Variants in RBM47 observed in about 807,000 individuals in gnomAD.
RBM47 encodes the protein RNA binding motif protein 47.
In RBM47, 21 loss-of-function variants were observed where a neutral mutation model predicts 47.1. The ratio of observed to expected loss-of-function variants is 0.45; its 90% CI spans 0.32 to 0.64. RBM47 has a LOEUF of 0.64. Among genes scored for constraint, RBM47 ranks in the 30% least tolerant of loss-of-function variants. RBM47 has a pLI of 0.05. For missense variants in RBM47, 708 were observed against 870.9 expected (o/e 0.81, Z 2.35); for synonymous variants, 375 against 361.7 (o/e 1.04, Z -0.42).
At chr4:40,564,545 T>G (rs1352618105) in intron 1 of RBM47, among the ~76,000 whole-genome samples, 4 of 152,156 alleles carry the variant, frequency 2.6e-5, no homozygotes, top group Non-Finnish European at 5.9e-5. Context: ...CTCCAAAGAT[T>G]AGGAGAAGTA....
At chr4:40,572,161 T>A (rs1184643615) in intron 1 of RBM47, among the ~76,000 whole-genome samples, 1 of 148,780 alleles carries the variant, frequency 6.7e-6, no homozygotes, top group Non-Finnish European at 1.5e-5. Context: ...GGCGGGTGGA[T>A]AACCTGAGGT....
chr4:40,496,371 G>T (rs1196157790), intron 2 of RBM47, among the ~76,000 whole-genome samples: 1 of 150,358 alleles, frequency 6.7e-6, no homozygotes. Context: ...CACAAAGAGA[G>T]AAAAACCTAG....
intron 2 of RBM47, among the ~76,000 whole-genome samples, chr4:40,490,705 C>A (rs1032227839): frequency 6.6e-6 from 1 of 151,134 alleles, no homozygotes; most frequent in Non-Finnish European, 1.5e-5. Context: ...GAGGAGAGAT[C>A]GCGCCACTGC....
chr4:40,568,855 C>A (rs187857495), intron 1 of RBM47, among the ~76,000 whole-genome samples: 3 of 151,966 alleles, frequency 2.0e-5, no homozygotes, highest in African/African-American at 7.2e-5. Context: ...CTGATGGGTG[C>A]CTGTAGTCCC....
chr4:40,586,894 T>G (rs1274058760), intron 1 of RBM47, among the ~76,000 whole-genome samples: 1 of 152,048 alleles, frequency 6.6e-6, no homozygotes. Context: ...ACAACAGCTG[T>G]GTGCAGGCAG....
chr4:40,480,218 T>C (rs898670311), intron 2 of RBM47, among the ~76,000 whole-genome samples: 7 of 152,058 alleles, frequency 4.6e-5, no homozygotes, highest in African/African-American at 9.7e-5. Context: ...CCTCAGGTGA[T>C]CCATCTGCCT....
intron 2 of RBM47, among the ~76,000 whole-genome samples, chr4:40,525,393 G>A (rs1377338467): frequency 6.6e-6 from 1 of 152,198 alleles, no homozygotes; most frequent in East Asian, 1.9e-4. Flanking sequence ...AGGAGGCAGG[G>A]TTGCAGATCA....
chr4:40,550,114 C>T (rs28506146), intron 1 of RBM47, among the ~76,000 whole-genome samples: 10,300 of 152,236 alleles, frequency 0.068, 1,001 homozygotes, highest in African/African-American at 0.21. Context: ...CCCAACAGAG[C>T]TGTCTTGGAA....
At chr4:40,431,454 T>G (rs148672773) in intron 6 of RBM47, among the ~76,000 whole-genome samples, 9,888 of 152,062 alleles carry the variant, frequency 0.065, 701 homozygotes, top group African/African-American at 0.17. Context: ...GTCAGGAGAT[T>G]GAGACTATCC....
intron 1 of RBM47, among the ~76,000 whole-genome samples, chr4:40,604,643 TA>T (rs879327659): frequency 4.0e-5 from 6 of 150,886 alleles, no homozygotes; most frequent in Non-Finnish European, 8.9e-5. Context: ...AAATAAAAAA[TA>T]AAAAAAAATA....
rs1369879866 is a variant in RBM47, at chr4:40,593,120, G to A, written c.-240+36276C>T. 1.2e-4 allele frequency among the ~76,000 whole-genome samples: 17 copies of A among 143,122 alleles called. No homozygotes were observed. The Middle Eastern group carries it at 0.022, about 186-fold the overall frequency. The allele number at this position is 143,122 out of a possible 152,430, so 93.9% of individuals were successfully genotyped here. A position where few individuals can be genotyped will look rare whatever the true frequency, so the allele number is the denominator to read the frequency against. On this transcript the variant is annotated intron_variant, in intron 1 of 6. Transcript: ENST00000295971. ...CGCCATTCTCCTGCCTCAGCCTCCC[G>A]AGTAGCTGGGACTACAGGCGCCCGC...
At chr4:40,463,421 TG>T (rs1181944185) in intron 3 of RBM47, among the ~76,000 whole-genome samples, 1 of 152,068 alleles carries the variant, frequency 6.6e-6, no homozygotes, top group Non-Finnish European at 1.5e-5. Flanking sequence ...GCACTGCTGG[TG>T]GGAATGTATA....
intron 2 of RBM47, chr4:40,514,526 C>G (rs530779298): frequency 1.3e-5 from 2 of 152,302 alleles, no homozygotes; most frequent in East Asian, 1.9e-4. Context: ...CTGCTAAGCA[C>G]CTGGCGCTCT....
In RBM47 at chr4:40,606,828, ACCT is replaced by A. The variant is rs150247039; in HGVS notation, c.-240+22565_-240+22567del. On this transcript the variant is annotated intron_variant, in intron 1 of 6. Coordinates refer to ENST00000295971, the MANE Select transcript of RBM47 (RefSeq NM_001098634.2). ...TTACAAGCCTGAGCAACACAGTGAC[ACCT>A]CCTCTCTACTAAAAACAAAAACAAA... is the stretch of plus-strand genomic sequence containing the variant. Among the ~76,000 whole-genome samples the A allele has an allele frequency of 2.1e-3, 321 of 152,160 alleles. 3 individuals carry two copies. Among genetic ancestry groups the A allele is most frequent in the African/African-American group, 7.2e-3 (300 of 41,534 alleles).
chr4:40,536,162 C>A (rs560219923), intron 2 of RBM47, among the ~76,000 whole-genome samples: 2 of 152,350 alleles, frequency 1.3e-5, no homozygotes, highest in South Asian at 4.1e-4. Flanking sequence ...TACTTCTTGG[C>A]AGGCAACACC....
At chr4:40,442,389 G>A (rs188382715) in intron 3 of RBM47, among the ~76,000 whole-genome samples, 15 of 152,306 alleles carry the variant, frequency 9.8e-5, no homozygotes, top group South Asian at 6.2e-4. Flanking sequence ...TGGCAAGGAC[G>A]TGGAGAAATT....
chr4:40,540,655 AATAATAAT>A (rs1728438376), intron 2 of RBM47, among the ~76,000 whole-genome samples: 1 of 67,048 alleles, frequency 1.5e-5, no homozygotes, highest in African/African-American at 9.5e-5. Flanking sequence ...AAAAAAAAAT[AATAATAAT>A]AATAATAATA....
intron 1 of RBM47, among the ~76,000 whole-genome samples, chr4:40,562,370 A>T (rs186914561): frequency 2.4e-4 from 37 of 152,104 alleles, no homozygotes; most frequent in Admixed American, 1.8e-3. Flanking sequence ...CAAAGACAAG[A>T]TCATTCTACT....
At chr4:40,605,646 C>G (rs569815316) in intron 1 of RBM47, among the ~76,000 whole-genome samples, 1 of 151,958 alleles carries the variant, frequency 6.6e-6, no homozygotes, top group East Asian at 2.0e-4. Flanking sequence ...GCCTGGCCAA[C>G]ATGGTGAAAC....
Sources: gnomAD v4.1 joint callset for allele counts (sites outside exome capture counted in the v4.1 genomes callset) on GRCh38, gnomAD v4.1.1 for gene constraint, MANE v1.5 for transcripts, NCBI Gene and HGNC (gene_info 2026-07-23, HGNC 2026-07-21) for gene names.